Variants in CADM2 observed in about 807,000 individuals in gnomAD.
CADM2 encodes the protein cell adhesion molecule 2, also known as immunoglobulin superfamily member 4D.
In CADM2, 12 loss-of-function variants were observed where a neutral mutation model predicts 49.8. That is an observed-to-expected ratio of 0.24 (90% CI 0.15 to 0.39). CADM2 has a LOEUF of 0.39. Among genes scored for constraint, CADM2 ranks in the 10% least tolerant of loss-of-function variants. The pLI is 1.00. For synonymous variants in CADM2, 214 were observed against 175.4 expected, an observed-to-expected ratio of 1.22 and a Z score of -1.74; for missense variants, 378 against 492.3, an observed-to-expected ratio of 0.77 and a Z score of 2.20.
intron 1 of CADM2, among the ~76,000 whole-genome samples, chr3:85,369,752 G>A (rs1196371669): frequency 2.0e-5 from 3 of 152,108 alleles, no homozygotes; most frequent in Non-Finnish European, 2.9e-5. Context: ...TTTTAAAGAG[G>A]CATAGAAAAG....
chr3:84,998,815 C>A (rs901328908), intron 1 of CADM2, among the ~76,000 whole-genome samples: 16 of 152,058 alleles, frequency 1.1e-4, no homozygotes, highest in African/African-American at 3.1e-4. Flanking sequence ...CAATAAATAA[C>A]CACCTGGTTA....
chr3:85,965,561 G>A (rs924357590), intron 8 of CADM2, among the ~76,000 whole-genome samples: 5 of 151,224 alleles, frequency 3.3e-5, no homozygotes, highest in Admixed American at 6.6e-5. Context: ...TTAGGTTAAC[G>A]CTATTGAAAA....
intron 2 of CADM2, among the ~76,000 whole-genome samples, chr3:85,759,270 C>A (rs2069262671): frequency 6.6e-6 from 1 of 151,892 alleles, no homozygotes; most frequent in Non-Finnish European, 1.5e-5. Context: ...ACCCAATTTT[C>A]CTCAAATATA....
At chr3:85,034,089 C>G (rs1437649549) in intron 1 of CADM2, among the ~76,000 whole-genome samples, 1 of 152,088 alleles carries the variant, frequency 6.6e-6, no homozygotes, top group African/African-American at 2.4e-5. Flanking sequence ...AAGTGTCCAT[C>G]AACTCAATTA....
chr3:85,278,755 TG>T (rs2043422113), intron 1 of CADM2, among the ~76,000 whole-genome samples: 2 of 145,488 alleles, frequency 1.4e-5, no homozygotes, highest in Non-Finnish European at 1.5e-5. Flanking sequence ...TGTGTGTGTG[TG>T]TGTGTTGGTA....
intron 1 of CADM2, among the ~76,000 whole-genome samples, chr3:85,449,791 G>C (rs2037671708): frequency 6.6e-6 from 1 of 152,096 alleles, no homozygotes; most frequent in Admixed American, 6.6e-5. Flanking sequence ...TTATTCCACA[G>C]ATAACAGAAA....
chr3:85,005,871 C>T (rs547836455), intron 1 of CADM2, among the ~76,000 whole-genome samples: 1 of 152,224 alleles, frequency 6.6e-6, no homozygotes, highest in South Asian at 2.1e-4. Flanking sequence ...AATTTCTCAA[C>T]TTAAAGTGGG....
rs554295325 is a variant in CADM2, at chr3:85,472,185, T to G, written c.62-254337T>G. On this transcript the variant is annotated intron_variant, in intron 1 of 9. Coordinates refer to ENST00000383699, the MANE Select transcript of CADM2 (RefSeq NM_001167675.2). Reference sequence around the variant, plus strand: ...TCTGCTACTTCTCAAAAATTCTTTTTTACTTAATATCATGAACATACTTTG... The same window carrying G: ...TCTGCTACTTCTCAAAAATTCTTTTGTACTTAATATCATGAACATACTTTG... Among the ~76,000 whole-genome samples, 473 of 152,152 alleles carry G rather than the reference T, an allele frequency of 3.1e-3. 1 individual carries two copies. Among genetic ancestry groups the G allele is most frequent in the African/African-American group, 8.9e-3 (372 of 41,574 alleles).
At chr3:85,041,066 A>G (rs2035420199) in intron 1 of CADM2, among the ~76,000 whole-genome samples, 1 of 152,176 alleles carries the variant, frequency 6.6e-6, no homozygotes, top group African/African-American at 2.4e-5. Context: ...GTATTCTTAT[A>G]TGTTAAACAC....
chr3:84,984,046 T>TACACAC (rs569971907), intron 1 of CADM2, among the ~76,000 whole-genome samples: 1,472 of 115,634 alleles, frequency 0.013, 9 homozygotes, highest in Non-Finnish European at 0.02. Context: ...TATATATATA[T>TACACAC]ATACACACAC....
rs2038062396 is a variant in CADM2, at chr3:85,102,823, TC to T, written c.61+143158del. On this transcript the variant is annotated intron_variant, in intron 1 of 9. Coordinates refer to ENST00000383699, the MANE Select transcript of CADM2 (RefSeq NM_001167675.2). ...AATTTTGACAGCCATTCCCTGTACC[TC>T]CCATAGTAGTATATTTTACTTAAAA... 3.3e-5 allele frequency among the ~76,000 whole-genome samples: 5 copies of T among 152,046 alleles called. No individual in the cohort carries two copies. In the South Asian group the frequency reaches 1.0e-3, roughly 31 times the overall value.
chr3:86,014,576 C>T (rs1268462812), intron 8 of CADM2: 3 of 1,599,288 alleles, frequency 1.9e-6, no homozygotes, highest in Non-Finnish European at 1.7e-6. Flanking sequence ...CACTAAGTGT[C>T]CCAACAGTGG....
rs958230742 is a variant in CADM2 at position 86,074,284 on chromosome 3, A to G, written c.*7501A>G. On this transcript the variant is annotated 3_prime_UTR_variant, in exon 10 of 10. Transcript: ENST00000383699. ...TTGTGTCTTTGGAAGTTCACTTACC[A>G]TAAAGTATTTTATAGTCTACTTTAA... The G allele has an allele frequency of 3.3e-5, 5 of 152,012 alleles. No homozygotes were observed. The highest frequency in any genetic ancestry group is 2.4e-5 in the African/African-American group (1 of 41,448). The allele number at this position is 152,012 out of a possible 1,614,324, so 9.4% of individuals were successfully genotyped here.
At position 86,070,260 on chromosome 3, in the gene CADM2, T is replaced by C. The variant is rs1368036527; in HGVS notation, c.*3477T>C. ...AAAATATAAATATCTCAATCAAAAG[T>C]ACAGGCTCATTTGTAATTATGTACT... is the stretch of plus-strand genomic sequence containing the variant. On this transcript the variant is annotated 3_prime_UTR_variant, in exon 10 of 10. Transcript: ENST00000383699. The C allele has an allele frequency of 6.6e-6, 1 of 151,984 alleles. No individual in the cohort carries two copies. Among genetic ancestry groups the C allele is most frequent in the East Asian group, 1.9e-4 (1 of 5,198 alleles). The allele number at this position is 151,984 out of a possible 1,614,324, so 9.4% of individuals were successfully genotyped here.
intron 3 of CADM2, among the ~76,000 whole-genome samples, chr3:85,814,284 A>T (rs1048721815): frequency 3.3e-5 from 5 of 151,870 alleles, no homozygotes; most frequent in African/African-American, 1.2e-4. Flanking sequence ...ATTCCTAGTT[A>T]TTTTATTTTC....
intron 1 of CADM2, among the ~76,000 whole-genome samples, chr3:85,063,593 A>G (rs528830117): frequency 2.6e-5 from 4 of 152,194 alleles, no homozygotes; most frequent in South Asian, 2.1e-4. Context: ...AGAAAAGACA[A>G]CTAATAGAAG....
rs375099476 is a variant in CADM2 at position 85,880,366 on chromosome 3, T to A, written c.239-2925T>A. Among the ~76,000 whole-genome samples the A allele has an allele frequency of 3.3e-5, 5 of 152,156 alleles. No homozygotes were observed. The East Asian group carries it at 9.6e-4, about 29-fold the overall frequency. On this transcript the variant is annotated intron_variant, in intron 3 of 9. Transcript: ENST00000383699. The stretch of plus-strand genomic sequence containing the variant: ...TATTTGAAAAAACTCAGGAGAAGGG[T>A]AGTCCATTGTATTTTCTCTTATTTT...
intron 1 of CADM2, among the ~76,000 whole-genome samples, chr3:85,508,634 T>G (rs1006790502): frequency 5.3e-5 from 8 of 152,156 alleles, no homozygotes; most frequent in Non-Finnish European, 1.0e-4. Flanking sequence ...TATCTCCTTA[T>G]CTGAGAAAAG....
chr3:85,371,880 C>A (rs1045302950), intron 1 of CADM2, among the ~76,000 whole-genome samples: 2 of 151,002 alleles, frequency 1.3e-5, no homozygotes, highest in Non-Finnish European at 1.5e-5. Context: ...GTCCTGGAAC[C>A]CATCCCTCCT....
Sources: allele counts gnomAD v4.1 joint callset (sites outside exome capture counted in the v4.1 genomes callset), GRCh38; gene constraint gnomAD v4.1.1; transcripts MANE v1.5; gene names NCBI Gene and HGNC (gene_info 2026-07-23, HGNC 2026-07-21).